Variants in PDE11A observed in about 807,000 individuals in gnomAD.
PDE11A encodes phosphodiesterase 11A.
PDE11A carries 100 observed loss-of-function variants against 100.5 expected under a neutral mutation model. The ratio of observed to expected loss-of-function variants is 1.00; its 90% CI spans 0.85 to 1.18. The LOEUF is 1.18. PDE11A is among the 50% of genes most tolerant of loss of function. The pLI is 0.00. For missense variants in PDE11A, 1,141 were observed against 1,152.6 expected (o/e 0.99, Z 0.15); for synonymous variants, 381 against 420.8 (o/e 0.91, Z 1.16).
At chr2:178,091,243 G>T (rs559025189) in intron 2 of PDE11A, among the ~76,000 whole-genome samples, 1 of 151,888 alleles carries the variant, frequency 6.6e-6, no homozygotes, top group Non-Finnish European at 1.5e-5. Flanking sequence ...CCTAATTTTT[G>T]TATTTTTTGC....
intron 5 of PDE11A, among the ~76,000 whole-genome samples, chr2:177,864,675 G>A (rs2083999237): frequency 6.6e-6 from 1 of 152,108 alleles, no homozygotes; most frequent in Admixed American, 6.6e-5. Context: ...ATGGCATAAA[G>A]GGAGATAATC....
intron 4 of PDE11A, 107 bp downstream of exon 4, chr2:177,897,951 G>A (rs1295153910): frequency 1.0e-6 from 1 of 955,036 alleles, no homozygotes; most frequent in Non-Finnish European, 1.7e-6. Flanking sequence ...TGGTTGAAGA[G>A]TCACGAAGAG....
rs1574076932 is a variant in PDE11A at position 177,719,960 on chromosome 2, A to C, written c.2043+7698T>G. ...CTTAACATGAAGAGTCTGCTTGTGA[A>C]ACTTACATCTCCTAATGGAAGCTGA... On this transcript the variant is annotated intron_variant, in intron 12 of 19. Coordinates refer to ENST00000286063, the MANE Select transcript of PDE11A (RefSeq NM_016953.4). 2.6e-5 allele frequency among the ~76,000 whole-genome samples: 4 copies of C among 152,110 alleles called. No individual in the cohort carries two copies. In the East Asian group the frequency reaches 7.8e-4, roughly 30 times the overall value.
At chr2:177,638,538 A>T (rs543124778) in intron 19 of PDE11A, among the ~76,000 whole-genome samples, 2 of 152,336 alleles carry the variant, frequency 1.3e-5, no homozygotes, top group East Asian at 3.9e-4. Flanking sequence ...GCTTCTTTGC[A>T]TGCTTGATAA....
intron 1 of PDE11A, among the ~76,000 whole-genome samples, chr2:178,066,846 G>A (rs937528770): frequency 1.1e-4 from 16 of 152,092 alleles, no homozygotes; most frequent in African/African-American, 2.2e-4. Context: ...CAATCCCTTC[G>A]GACTCTCAGA....
chr2:177,909,993 T>C (rs1419643712), intron 2 of PDE11A, among the ~76,000 whole-genome samples: 1 of 152,206 alleles, frequency 6.6e-6, no homozygotes, highest in Non-Finnish European at 1.5e-5. Flanking sequence ...TTTTAGGTCT[T>C]CTTTATGTCA....
intron 2 of PDE11A, among the ~76,000 whole-genome samples, chr2:177,965,763 C>T (rs1411813306): frequency 6.6e-6 from 1 of 152,104 alleles, no homozygotes. Flanking sequence ...GTTATGCAGC[C>T]TTGTCATATA....
intron 10 of PDE11A, 123 bp from the exon 11 acceptor site, chr2:177,728,295 G>C: frequency 1.5e-6 from 1 of 647,374 alleles, no homozygotes; most frequent in Non-Finnish European, 2.7e-6. Context: ...CTTACACCCT[G>C]ATACAGCTAA....
intron 1 of PDE11A, among the ~76,000 whole-genome samples, chr2:178,026,292 AATT>A (rs1166653815): frequency 3.7e-4 from 57 of 152,234 alleles, no homozygotes; most frequent in African/African-American, 1.3e-3. Flanking sequence ...GTTATATTTT[AATT>A]ACATAATTTG....
rs1003012185 is a variant in PDE11A at position 177,792,549 on chromosome 2, A to T, written c.1738-23176T>A. 2.6e-5 allele frequency among the ~76,000 whole-genome samples: 4 copies of T among 152,180 alleles called. No individual in the cohort carries two copies. The East Asian group carries it at 7.7e-4, about 29-fold the overall frequency. On this transcript the variant is annotated intron_variant, in intron 9 of 19. Coordinates refer to ENST00000286063, the MANE Select transcript of PDE11A (RefSeq NM_016953.4). ...CACTGGTTATGCAGGAACACCATGGAGCATTTTATGTTTGAAACAGCGTGG... is the reference window on the plus strand; with the variant it reads ...CACTGGTTATGCAGGAACACCATGGTGCATTTTATGTTTGAAACAGCGTGG...
At chr2:177,683,141 A>T (rs1433539304) in intron 15 of PDE11A, among the ~76,000 whole-genome samples, 1 of 152,166 alleles carries the variant, frequency 6.6e-6, no homozygotes, top group African/African-American at 2.4e-5. Context: ...CTAACTACTA[A>T]AATTACTTGA....
chr2:177,753,703 AAGCCCT>A (rs1333974047), intron 10 of PDE11A, among the ~76,000 whole-genome samples: 1 of 151,372 alleles, frequency 6.6e-6, no homozygotes, highest in Non-Finnish European at 1.5e-5. Context: ...TCCACACCAA[AAGCCCT>A]AATTCACTTT....
At chr2:177,778,804 T>A (rs1393715157) in intron 9 of PDE11A, among the ~76,000 whole-genome samples, 5 of 152,204 alleles carry the variant, frequency 3.3e-5, no homozygotes, top group African/African-American at 9.7e-5. Context: ...TGAGAAATCA[T>A]CAGTTTTTAT....
In PDE11A at chr2:177,869,296, A is replaced by T. The variant is rs1003877313; in HGVS notation, c.1367+6563T>A. ...GCTCTTATAAGACCAAAATCAAGGA[A>T]TTGACAGAGCTATATTCCTCTCTGA... On this transcript the variant is annotated intron_variant, in intron 5 of 19. Coordinates refer to ENST00000286063, the MANE Select transcript of PDE11A (RefSeq NM_016953.4). Among the ~76,000 whole-genome samples the T allele has an allele frequency of 3.9e-5, 6 of 152,358 alleles. No homozygotes were observed. The South Asian group carries it at 1.0e-3, about 26-fold the overall frequency.
chr2:177,672,638 G>T (rs976433030), intron 17 of PDE11A, among the ~76,000 whole-genome samples: 5 of 152,174 alleles, frequency 3.3e-5, no homozygotes, highest in African/African-American at 1.2e-4. Flanking sequence ...TCGGAGATGA[G>T]ATTAGAAAAC....
At chr2:177,795,115 C>A (rs1249582452) in intron 9 of PDE11A, among the ~76,000 whole-genome samples, 1 of 152,154 alleles carries the variant, frequency 6.6e-6, no homozygotes, top group Non-Finnish European at 1.5e-5. Context: ...GCATTCTAAC[C>A]TTTATTCTTA....
chr2:178,007,775 G>A (rs1194633570), intron 2 of PDE11A, among the ~76,000 whole-genome samples: 1 of 152,074 alleles, frequency 6.6e-6, no homozygotes, highest in Non-Finnish European at 1.5e-5. Context: ...CAAGATCTTG[G>A]CTCACTGCAA....
At chr2:177,972,478 G>C (rs1455260861) in intron 2 of PDE11A, among the ~76,000 whole-genome samples, 1 of 152,184 alleles carries the variant, frequency 6.6e-6, no homozygotes, top group Admixed American at 6.5e-5. Context: ...AATGGATGGA[G>C]TGGCCACATC....
intron 2 of PDE11A, among the ~76,000 whole-genome samples, chr2:177,982,410 G>T (rs895614935): frequency 6.6e-6 from 1 of 150,512 alleles, no homozygotes; most frequent in Non-Finnish European, 1.5e-5. Context: ...TTCTAACATT[G>T]CAATCATGGG....
Sources: gnomAD v4.1 joint callset for allele counts (sites outside exome capture counted in the v4.1 genomes callset) on GRCh38, gnomAD v4.1.1 for gene constraint, MANE v1.5 for transcripts, NCBI Gene and HGNC (gene_info 2026-07-23, HGNC 2026-07-21) for gene names.